The following PPM1D variants were observed in gnomAD, a reference collection of about 807,000 sequenced individuals.
PPM1D encodes protein phosphatase 1D.
PPM1D carries 52 observed loss-of-function variants against 58.3 expected under a neutral mutation model. The ratio of observed to expected loss-of-function variants is 0.89; its 90% CI spans 0.71 to 1.12. The LOEUF (loss-of-function observed/expected upper bound fraction) is 1.12, where lower values mean the gene tolerates loss of function less well. Ranked by LOEUF, PPM1D falls within the 50% of genes most tolerant of loss-of-function variation. The pLI, the probability that PPM1D is intolerant of heterozygous loss-of-function variation, is 0.00. For missense variants in PPM1D, 564 were observed against 777.2 expected (o/e 0.73, Z 3.26); for synonymous variants, 278 against 285.1 (o/e 0.98, Z 0.25).
At chr17:60,628,354 A>G (rs1051304382) in intron 2 of PPM1D, among the ~76,000 whole-genome samples, 2 of 152,254 alleles carry the variant, frequency 1.3e-5, no homozygotes, top group Non-Finnish European at 2.9e-5. Context: ...ACACTGACAT[A>G]CTGTTATCAC....
At chr17:60,602,241 T>C (rs1280684530) in intron 1 of PPM1D, among the ~76,000 whole-genome samples, 2 of 152,168 alleles carry the variant, frequency 1.3e-5, no homozygotes, top group African/African-American at 2.4e-5. Context: ...TGTAGAAATA[T>C]GTGATATCAT....
At chr17:60,626,558 C>G (rs189175980) in intron 2 of PPM1D, among the ~76,000 whole-genome samples, 1 of 152,046 alleles carries the variant, frequency 6.6e-6, no homozygotes, top group East Asian at 1.9e-4. Context: ...CCACGCCCGG[C>G]TAATTTTTTG....
At position 60,626,429 on chromosome 17, in the gene PPM1D, C is replaced by G. The variant is rs555860069; in HGVS notation, c.701+2680C>G. On this transcript the variant is annotated intron_variant, in intron 2 of 5. Coordinates refer to ENST00000305921, the MANE Select transcript of PPM1D (RefSeq NM_003620.4). ...TTTTTTTTTGAAACGGAGTCTGGCT[C>G]TTTCGCCCAGGCTGGAGTGCAGTGG... Among the ~76,000 whole-genome samples the G allele has an allele frequency of 2.7e-4, 40 of 149,908 alleles. No individual in the cohort carries two copies. In the South Asian group the frequency reaches 5.7e-3, roughly 21 times the overall value.
rs2031562537 is a variant in PPM1D at position 60,663,299 on chromosome 17, A to G, written c.1565A>G (p.Lys522Arg). 1.2e-6 allele frequency: 2 copies of G among 1,614,226 alleles called. No homozygotes were observed. Among genetic ancestry groups the G allele is most frequent in the African/African-American group, 2.7e-5 (2 of 75,064 alleles). The change falls in exon 6 of 6, where the codon AAA becomes AGA. Residue 522 changes from lysine (K) to arginine (R), a missense_variant. This residue lies in a region of PPM1D where 261 missense variants were observed against 270.1 expected (regional missense o/e 0.97). Transcript: ENST00000305921. ...NLKMSTPGQM[K>R]AQEIERTPPT... ...AAGATGTCAACTCCTGGCCAAATGA[A>G]AGCCCAAGAAATTGAAAGAACCCCT...
At chr17:60,653,812 C>T (rs2031386058) in intron 4 of PPM1D, among the ~76,000 whole-genome samples, 1 of 152,090 alleles carries the variant, frequency 6.6e-6, no homozygotes, top group Non-Finnish European at 1.5e-5. Context: ...GGATTGCTTT[C>T]TTGATTTCTT....
Position 60,664,527 on chromosome 17 carries a change from T to TGA in PPM1D, c.*977_*978dup, listed in dbSNP as rs2031585453. The TGA allele has an allele frequency of 6.6e-6, 1 of 152,564 alleles. No individual in the cohort carries two copies. The highest frequency in any genetic ancestry group is 1.5e-5 in the Non-Finnish European group (1 of 68,044). The allele number at this position is 152,564 out of a possible 1,614,324, so 9.5% of individuals were successfully genotyped here. ...GTTTATTTTAATGGTATGTACAAGT[T>TGA]GAGTATCCCTTATCCAAAATGCTTG... On this transcript the variant is annotated 3_prime_UTR_variant, in exon 6 of 6. Transcript: ENST00000305921.
At chr17:60,659,378 C>T (rs1373614111) in intron 5 of PPM1D, among the ~76,000 whole-genome samples, 1 of 152,130 alleles carries the variant, frequency 6.6e-6, no homozygotes, top group Non-Finnish European at 1.5e-5. Flanking sequence ...TGTCAGCTTC[C>T]ATTTGAATTC....
At position 60,663,331 on chromosome 17, in the gene PPM1D, A is replaced by G. The variant is rs776814560; in HGVS notation, c.1597A>G (p.Asn533Asp). 23 of 1,614,066 alleles carry G rather than the reference A, an allele frequency of 1.4e-5. No individual in the cohort carries two copies. The highest frequency in any genetic ancestry group is 8.5e-7 in the Non-Finnish European group (1 of 1,180,032). ...AQEIERTPPT[N>D]FKRTLEESNS... ...AGAAATTGAAAGAACCCCTCCAACA[A>G]ACTTTAAAAGGACATTAGAAGAGTC... Residue 533 changes from asparagine to aspartate, a missense_variant, in exon 6 of 6, where the codon AAC (asparagine) becomes GAC (aspartate). This residue lies in a region of PPM1D where 261 missense variants were observed against 270.1 expected (regional missense o/e 0.97). Transcript: ENST00000305921.
chr17:60,642,282 A>T (rs1231805264), intron 3 of PPM1D, among the ~76,000 whole-genome samples: 1 of 152,172 alleles, frequency 6.6e-6, no homozygotes. Context: ...GGAATAAGTT[A>T]AAAAATATTG....
chr17:60,600,929 A>G, intron 1 of PPM1D, 43 bp downstream of exon 1: 1 of 1,611,208 alleles, frequency 6.2e-7, no homozygotes, highest in Admixed American at 1.7e-5. Context: ...TTTTTCAGGC[A>G]GTTCAGGGCT....
intron 4 of PPM1D, among the ~76,000 whole-genome samples, chr17:60,649,578 A>C (rs2031307483): frequency 6.6e-6 from 1 of 152,052 alleles, no homozygotes; most frequent in African/African-American, 2.4e-5. Flanking sequence ...AGTCCCAGCT[A>C]CTTAGGAGGC....
intron 5 of PPM1D, among the ~76,000 whole-genome samples, chr17:60,660,853 T>C (rs1331923021): frequency 6.6e-6 from 1 of 152,216 alleles, no homozygotes; most frequent in Admixed American, 6.6e-5. Flanking sequence ...CCTTTGTTTT[T>C]AACTCTAGAC....
At chr17:60,662,880 C>A in intron 5 of PPM1D, 115 bp from the exon 6 acceptor site, 1 of 926,376 alleles carries the variant, frequency 1.1e-6, no homozygotes, top group Non-Finnish European at 1.7e-6. Context: ...TTAGTGAATG[C>A]ATACCCCGTT....
intron 3 of PPM1D, among the ~76,000 whole-genome samples, chr17:60,635,919 G>A (rs773002841): frequency 2.8e-4 from 42 of 152,166 alleles, no homozygotes; most frequent in Non-Finnish European, 5.1e-4. Flanking sequence ...TCAGGAACCC[G>A]GGGTGACTTA....
intron 4 of PPM1D, among the ~76,000 whole-genome samples, chr17:60,651,247 T>A (rs1004211266): frequency 6.6e-6 from 1 of 151,896 alleles, no homozygotes; most frequent in Non-Finnish European, 1.5e-5. Context: ...GTTTGGAGAG[T>A]GGAACCACAT....
At chr17:60,634,617 TTTAG>T (rs1004584689) in intron 3 of PPM1D, among the ~76,000 whole-genome samples, 2 of 152,146 alleles carry the variant, frequency 1.3e-5, no homozygotes, top group African/African-American at 4.8e-5. Flanking sequence ...CTCTTTTTTC[TTTAG>T]TTAGGAAAGT....
chr17:60,637,009 C>T (rs1433193864), intron 3 of PPM1D, among the ~76,000 whole-genome samples: 1 of 145,922 alleles, frequency 6.9e-6, no homozygotes, highest in Non-Finnish European at 1.5e-5. Flanking sequence ...GCTTTTATTG[C>T]CCAGGTTGGC....
intron 4 of PPM1D, among the ~76,000 whole-genome samples, chr17:60,648,758 CTTTT>C (rs952896125): frequency 7.4e-6 from 1 of 134,408 alleles, no homozygotes; most frequent in Non-Finnish European, 1.6e-5. Context: ...ACCACTACTA[CTTTT>C]TTTTTTTTTT....
At chr17:60,608,696 T>C (rs1285561183) in intron 1 of PPM1D, among the ~76,000 whole-genome samples, 1 of 152,156 alleles carries the variant, frequency 6.6e-6, no homozygotes, top group Admixed American at 6.5e-5. Flanking sequence ...GGCAACTGCT[T>C]CTATATTCAG....
Sources: allele counts gnomAD v4.1 joint callset (sites outside exome capture counted in the v4.1 genomes callset), GRCh38; gene constraint gnomAD v4.1.1; regional missense constraint gnomAD v4.1.1; transcripts MANE v1.5; gene names NCBI Gene and HGNC (gene_info 2026-07-23, HGNC 2026-07-21).